ATG2B: variants seen among roughly 807,000 people sequenced by gnomAD.
ATG2B encodes the protein autophagy-related protein 2 homolog B.
ATG2B carries 121 observed loss-of-function variants against 241.3 expected under a neutral mutation model. That is an observed-to-expected ratio of 0.50 (90% CI 0.43 to 0.58). The LOEUF is 0.58. Ranked by LOEUF, ATG2B falls within the 20% of genes least tolerant of loss-of-function variation. ATG2B has a pLI of 0.00. For missense variants in ATG2B, 2,306 were observed against 2,491.6 expected, an observed-to-expected ratio of 0.93 and a Z score of 1.59; for synonymous variants, 858 against 876.6, an observed-to-expected ratio of 0.98 and a Z score of 0.37.
chr14:96,290,894 T>G lies in ATG2B; in HGVS notation c.5621A>C (p.Glu1874Ala). ...GTTCTTCTTAATGTCATTAAGCCACTCAGTGATTGCATATGAGAATAATTT... is the reference window on the plus strand; with the variant it reads ...GTTCTTCTTAATGTCATTAAGCCACGCAGTGATTGCATATGAGAATAATTT... ...VDKLFSYAIT[E>A]WLNDIKKNQL... Residue 1874 changes from glutamate (E) to alanine (A), a missense_variant, in exon 39 of 42, where the codon GAG (glutamate) becomes GCG (alanine). Coordinates refer to ENST00000359933, the MANE Select transcript of ATG2B (RefSeq NM_018036.7). The surrounding 1 kb of genome is among the most constrained non-coding windows in gnomAD (Gnocchi z 4.4). 2 of 1,613,198 alleles carry G rather than the reference T, an allele frequency of 1.2e-6. No homozygotes were observed. The highest frequency in any genetic ancestry group is 8.5e-7 in the Non-Finnish European group (1 of 1,179,250).
chr14:96,303,496 A>C (rs1427134161), intron 32 of ATG2B, among the ~76,000 whole-genome samples: 1 of 152,162 alleles, frequency 6.6e-6, no homozygotes, highest in East Asian at 1.9e-4. Context: ...ACCCATGGTC[A>C]ACTGAGGTCC....
chr14:96,308,257 CATATAT>C (rs1229180497), intron 29 of ATG2B, among the ~76,000 whole-genome samples: 1 of 33,724 alleles, frequency 3.0e-5, no homozygotes, highest in East Asian at 7.8e-4. Flanking sequence ...TATATACACA[CATATAT>C]ATATATATAT....
At chr14:96,340,691 C>A (rs879686863) in intron 6 of ATG2B, among the ~76,000 whole-genome samples, 4 of 152,018 alleles carry the variant, frequency 2.6e-5, no homozygotes, top group Non-Finnish European at 5.9e-5. Flanking sequence ...GCAAGAAGGA[C>A]TGCTTCAGCC....
At position 96,311,213 on chromosome 14, in the gene ATG2B, C is replaced by T. The variant is rs752065881; in HGVS notation, c.4065G>A (p.Ala1355=). Reference sequence around the variant, plus strand: ...CAATGTACTGAATGAGATTCATTAACGCAGCACAAGAGTCTGAGCACGTTC... The same window carrying T: ...CAATGTACTGAATGAGATTCATTAATGCAGCACAAGAGTCTGAGCACGTTC... ...HIRTCSDSCA[A]LMNLIQYIAS... The change falls in exon 28 of 42, where the codon GCG becomes GCA. Residue 1355 remains alanine, a synonymous_variant. Coordinates refer to ENST00000359933, the MANE Select transcript of ATG2B (RefSeq NM_018036.7). 30 of 1,613,840 alleles carry T rather than the reference C, an allele frequency of 1.9e-5. No individual in the cohort carries two copies. In the South Asian group the frequency reaches 2.3e-4, roughly 12 times the overall value.
Position 96,328,379 on chromosome 14 carries a change from T to A in ATG2B, c.2131A>T (p.Met711Leu). Residue 711 changes from methionine (M) to leucine (L), a missense_variant, in exon 14 of 42, where the codon ATG becomes TTG. Coordinates refer to ENST00000359933, the MANE Select transcript of ATG2B (RefSeq NM_018036.7). ...LATVEMMASH[M>L]YTSYNKHISL... ...ATATGTTTATTATATGAAGTATACATGTGGGATGCCATCATCTCTACTGTG... is the reference window on the plus strand; with the variant it reads ...ATATGTTTATTATATGAAGTATACAAGTGGGATGCCATCATCTCTACTGTG... The A allele has an allele frequency of 6.2e-7, 1 of 1,612,962 alleles. No homozygotes were observed. Among genetic ancestry groups the A allele is most frequent in the Middle Eastern group, 1.7e-4 (1 of 6,022 alleles).
chr14:96,344,767 C>T lies in ATG2B; in HGVS notation c.479-11G>A, dbSNP rs760893248. ...TTACTCTTCTTAGTACTAAAGTAAA[C>T]AAGTAATTGTCAACGTAAGAGACCA... On this transcript the variant is annotated splice_polypyrimidine_tract_variant and intron_variant, in intron 3 of 41. Coordinates refer to ENST00000359933, the MANE Select transcript of ATG2B (RefSeq NM_018036.7). 2 of 1,345,594 alleles carry T rather than the reference C, an allele frequency of 1.5e-6. No homozygotes were observed. Among genetic ancestry groups the T allele is most frequent in the South Asian group, 2.7e-5 (2 of 73,548 alleles). The allele number at this position is 1,345,594 out of a possible 1,614,324, so 83.4% of individuals were successfully genotyped here.
intron 29 of ATG2B, among the ~76,000 whole-genome samples, chr14:96,308,017 A>G (rs1288705384): frequency 1.4e-5 from 2 of 142,782 alleles, no homozygotes; most frequent in East Asian, 2.0e-4. Flanking sequence ...ATTCTTCTAC[A>G]GCAGTACCTC....
Position 96,295,483 on chromosome 14 carries a change from T to C in ATG2B, c.5217A>G (p.Glu1739=). The C allele has an allele frequency of 6.3e-7, 1 of 1,592,276 alleles. No individual in the cohort carries two copies. The highest frequency in any genetic ancestry group is 8.5e-7 in the Non-Finnish European group (1 of 1,170,174). ...TTTTCAACTATACATATTTAATACC[T>C]TCTGGATCTGGAGTCATTTGAAGCT... is the stretch of plus-strand genomic sequence containing the variant. ...EVELQMTPDP[E]VKKSPGADVT... The change falls in exon 35 of 42, where the codon GAA becomes GAG. Residue 1739 remains glutamate (E), a splice_region_variant and synonymous_variant. Transcript: ENST00000359933.
intron 18 of ATG2B, among the ~76,000 whole-genome samples, chr14:96,320,720 T>C (rs147730521): frequency 9.9e-5 from 15 of 152,254 alleles, no homozygotes; most frequent in Admixed American, 2.0e-4. Flanking sequence ...CAATGCAGAA[T>C]GAGAAAAAAA....
intron 10 of ATG2B, among the ~76,000 whole-genome samples, chr14:96,331,895 A>G (rs923291266): frequency 6.6e-6 from 1 of 152,162 alleles, no homozygotes; most frequent in African/African-American, 2.4e-5. Flanking sequence ...AACATACTGG[A>G]AAACTCAAGA....
intron 2 of ATG2B, among the ~76,000 whole-genome samples, chr14:96,346,937 C>A (rs1256712898): frequency 6.6e-6 from 1 of 152,130 alleles, no homozygotes; most frequent in Non-Finnish European, 1.5e-5. Flanking sequence ...TTTTAGATAA[C>A]TGATAACAAA....
At chr14:96,361,283 A>T (rs1171177470) in intron 1 of ATG2B, among the ~76,000 whole-genome samples, 1 of 152,254 alleles carries the variant, frequency 6.6e-6, no homozygotes, top group African/African-American at 2.4e-5. Context: ...TGCCTGACAT[A>T]AATACATACT....
rs1420554686 is a variant in ATG2B, at chr14:96,328,758, C to T, written c.1890G>A (p.Thr630=). The change falls in exon 13 of 42, where the codon ACG becomes ACA. Residue 630 remains threonine (T), a synonymous_variant. Coordinates refer to ENST00000359933, the MANE Select transcript of ATG2B (RefSeq NM_018036.7). ...AACCAGTTTCTTCTTTGGAATGGAACGTTAAAAGCTTAAAAGTAAAGATGA... is the reference window on the plus strand; with the variant it reads ...AACCAGTTTCTTCTTTGGAATGGAATGTTAAAAGCTTAAAAGTAAAGATGA... ...SVPPHYTELL[T]FHSKEETGSH... The T allele has an allele frequency of 3.1e-6, 5 of 1,606,566 alleles. No homozygotes were observed. Among genetic ancestry groups the T allele is most frequent in the African/African-American group, 2.7e-5 (2 of 74,620 alleles).
chr14:96,298,234 A>G (rs1886700077), intron 34 of ATG2B, among the ~76,000 whole-genome samples: 1 of 152,242 alleles, frequency 6.6e-6, no homozygotes, highest in Admixed American at 6.5e-5. Context: ...ACCACAGTGT[A>G]CACAAAGCAT....
In ATG2B at chr14:96,341,576, A is replaced by G; in HGVS notation, c.870T>C (p.Gly290=). The G allele has an allele frequency of 1.9e-6, 3 of 1,604,438 alleles. No homozygotes were observed. Among genetic ancestry groups the G allele is most frequent in the African/African-American group, 1.3e-5 (1 of 74,832 alleles). ...TCAACGTGAGACTCAACTCCAACCT[A>G]CCAATTAACCGTCCAATCTGCACTG... ...SDPVQIGRLI[G]RLELSLTLKQ... is the part of the protein sequence containing the mutation. Residue 290 remains glycine (G), a synonymous_variant, in exon 6 of 42, where the codon GGT becomes GGC. Coordinates refer to ENST00000359933, the MANE Select transcript of ATG2B (RefSeq NM_018036.7).
At chr14:96,338,016 GTATTTTATTT>G (rs926152815) in intron 6 of ATG2B, among the ~76,000 whole-genome samples, 7 of 152,038 alleles carry the variant, frequency 4.6e-5, no homozygotes, top group South Asian at 2.1e-4. Context: ...CCTAGGTATT[GTATTTTATTT>G]TATTTTATTT....
At chr14:96,298,282 G>A (rs1300843929) in intron 34 of ATG2B, among the ~76,000 whole-genome samples, 1 of 152,182 alleles carries the variant, frequency 6.6e-6, no homozygotes, top group Non-Finnish European at 1.5e-5. Flanking sequence ...ACCAAGTTTG[G>A]CAAGGCTATG....
intron 36 of ATG2B, 79 bp from the exon 37 acceptor site, chr14:96,292,177 A>G: frequency 1.2e-6 from 1 of 867,672 alleles, no homozygotes; most frequent in Non-Finnish European, 1.8e-6. Context: ...AATTTGTTCA[A>G]TTGGAGAATA....
intron 29 of ATG2B, among the ~76,000 whole-genome samples, chr14:96,308,227 T>A (rs1161523464): frequency 3.6e-5 from 1 of 27,604 alleles, no homozygotes; most frequent in African/African-American, 1.3e-4. Flanking sequence ...TAAATATATA[T>A]ATACATATAT....
Sources: gnomAD v4.1 joint callset for allele counts (sites outside exome capture counted in the v4.1 genomes callset) on GRCh38, gnomAD v4.1.1 for gene constraint, Gnocchi (gnomAD v3.1) non-coding constraint, MANE v1.5 for transcripts, NCBI Gene and HGNC (gene_info 2026-07-23, HGNC 2026-07-21) for gene names.